The following LPP variants were observed in gnomAD, a reference collection of about 807,000 sequenced individuals.
The protein encoded by LPP is lipoma-preferred partner.
In LPP, 38 loss-of-function variants were observed where a neutral mutation model predicts 60.4. That is an observed-to-expected ratio of 0.63 (90% CI 0.49 to 0.83). The LOEUF is 0.83. Ranked by LOEUF, LPP falls within the 40% of genes least tolerant of loss-of-function variation. The probability of loss-of-function intolerance (pLI) is 0.00; values close to 1 mark genes in which losing one functional copy is unlikely to be tolerated. For synonymous variants in LPP, 328 were observed against 290.8 expected (o/e 1.13, Z -1.30); for missense variants, 902 against 783.6 (o/e 1.15, Z -1.80).
At chr3:188,387,375 A>T (rs958693736) in intron 3 of LPP, among the ~76,000 whole-genome samples, 3 of 152,118 alleles carry the variant, frequency 2.0e-5, no homozygotes, top group African/African-American at 7.2e-5. Flanking sequence ...AGCATTTTCC[A>T]TATCACTGCA....
chr3:188,777,103 AC>A (rs1055866507), intron 9 of LPP, among the ~76,000 whole-genome samples: 3 of 152,148 alleles, frequency 2.0e-5, no homozygotes, highest in African/African-American at 7.2e-5. Context: ...GCATAATAAT[AC>A]CTTATACTTA....
At chr3:188,496,053 T>C (rs2074607721) in intron 5 of LPP, among the ~76,000 whole-genome samples, 1 of 152,174 alleles carries the variant, frequency 6.6e-6, no homozygotes, top group Admixed American at 6.5e-5. Context: ...AAGCTATTAT[T>C]ATCATTATTT....
At chr3:188,269,111 G>A (rs546843140) in intron 2 of LPP, among the ~76,000 whole-genome samples, 6 of 152,256 alleles carry the variant, frequency 3.9e-5, no homozygotes, top group South Asian at 4.1e-4. Flanking sequence ...TAACAAAGCT[G>A]GTTTGTGGGT....
chr3:188,305,119 C>G (rs73061546), intron 2 of LPP, among the ~76,000 whole-genome samples: 1,876 of 152,014 alleles, frequency 0.012, 43 homozygotes, highest in African/African-American at 0.042. Context: ...TTTGACTCTC[C>G]CAGTGGGTGA....
At chr3:188,815,785 G>C (rs1341010802) in intron 9 of LPP, among the ~76,000 whole-genome samples, 1 of 152,180 alleles carries the variant, frequency 6.6e-6, no homozygotes, top group Non-Finnish European at 1.5e-5. Context: ...TAATGTCATA[G>C]AACACTGGCT....
chr3:188,163,787 CA>C (rs10663486), intron 1 of LPP, among the ~76,000 whole-genome samples: 53 of 137,514 alleles, frequency 3.9e-4, no homozygotes, highest in Non-Finnish European at 3.3e-4. Context: ...ACTAAATATA[CA>C]AAAAAAAAAA....
intron 2 of LPP, among the ~76,000 whole-genome samples, chr3:188,242,486 C>T (rs981197226): frequency 6.6e-6 from 1 of 152,082 alleles, no homozygotes. Context: ...GTCATAGCCA[C>T]CTGTGTGACT....
At chr3:188,712,820 T>C (rs1218745810) in intron 8 of LPP, 2 of 151,632 alleles carry the variant, frequency 1.3e-5, no homozygotes, top group Non-Finnish European at 2.9e-5. Context: ...GTGAACAAAA[T>C]GTAAATAAAT....
At position 188,886,667 on chromosome 3, in the gene LPP, T is replaced by C. The variant is rs977789550; in HGVS notation, c.*12188T>C. 2 of 218,514 alleles carry C rather than the reference T, an allele frequency of 9.2e-6. No homozygotes were observed. The highest frequency in any genetic ancestry group is 2.3e-5 in the African/African-American group (1 of 44,050). 13.5% of individuals were successfully genotyped at this position (218,514 alleles called of 1,614,324 possible). A position where few individuals can be genotyped will look rare whatever the true frequency, so the allele number is the denominator to read the frequency against. ...TAATAAAAATTTTCGTATTTCACTT[T>C]ACATAATATGTTCTCCCATATTTAG... On this transcript the variant is annotated 3_prime_UTR_variant, in exon 12 of 12. Transcript: ENST00000617246.
At chr3:188,384,127 T>C (rs1777579883) in intron 3 of LPP, among the ~76,000 whole-genome samples, 1 of 152,212 alleles carries the variant, frequency 6.6e-6, no homozygotes, top group South Asian at 2.1e-4. Flanking sequence ...TAGAAATATT[T>C]TGCTCCATGT....
At chr3:188,495,690 T>C (rs7633656) in intron 5 of LPP, among the ~76,000 whole-genome samples, 122,104 of 152,140 alleles carry the variant, frequency 0.8, 49,278 homozygotes, top group Middle Eastern at 0.93. Flanking sequence ...ACAAACCCCT[T>C]GTTGATTGTA....
chr3:188,286,648 CCCCAA>C (rs1440567754), intron 2 of LPP, among the ~76,000 whole-genome samples: 5 of 152,124 alleles, frequency 3.3e-5, no homozygotes, highest in African/African-American at 1.2e-4. Context: ...TGTGTTCCCT[CCCCAA>C]ATAAATGTAT....
chr3:188,740,508 T>G (rs1036567300), intron 8 of LPP, among the ~76,000 whole-genome samples: 2 of 152,058 alleles, frequency 1.3e-5, no homozygotes, highest in Non-Finnish European at 2.9e-5. Context: ...TTAGAAAAAT[T>G]ACATTAACTT....
In LPP at chr3:188,522,419, T is replaced by A. The variant is rs181279940; in HGVS notation, c.307-2246T>A. Among the ~76,000 whole-genome samples the A allele has an allele frequency of 2.3e-3, 348 of 152,328 alleles. 3 individuals carry two copies. The highest frequency in any genetic ancestry group is 7.9e-3 in the African/African-American group (329 of 41,566). ...CAAATTCTAGAGTATCCACTGCTTA[T>A]TGTTGTACTTCTAACTGTGTTTACC... On this transcript the variant is annotated intron_variant, in intron 5 of 11. Coordinates refer to ENST00000617246, the MANE Select transcript of LPP (RefSeq NM_001375462.1).
At chr3:188,601,694 G>C (rs948497625) in intron 6 of LPP, among the ~76,000 whole-genome samples, 1 of 152,054 alleles carries the variant, frequency 6.6e-6, no homozygotes, top group Non-Finnish European at 1.5e-5. Context: ...ACAATAACTT[G>C]CATTTAAAAA....
intron 1 of LPP, among the ~76,000 whole-genome samples, chr3:188,166,082 A>C (rs1318524231): frequency 6.6e-6 from 1 of 152,108 alleles, no homozygotes; most frequent in Non-Finnish European, 1.5e-5. Flanking sequence ...GCAGTGACTG[A>C]CTGAACTGTT....
chr3:188,380,822 T>C (rs1776683492), intron 3 of LPP, among the ~76,000 whole-genome samples: 1 of 152,200 alleles, frequency 6.6e-6, no homozygotes, highest in Non-Finnish European at 1.5e-5. Context: ...ATATTGAACT[T>C]TTATTGAGTA....
Position 188,878,078 on chromosome 3 carries a change from G to T in LPP, c.*3599G>T, listed in dbSNP as rs1199479927. The stretch of plus-strand genomic sequence containing the variant: ...AAGAAAGAGAGGGCTTTTTCCATGG[G>T]GCTATAGTAGAGAGTTAGTGGAATA... On this transcript the variant is annotated 3_prime_UTR_variant, in exon 12 of 12. Coordinates refer to ENST00000617246, the MANE Select transcript of LPP (RefSeq NM_001375462.1). The T allele has an allele frequency of 4.5e-6, 1 of 220,368 alleles. No individual in the cohort carries two copies. 13.7% of individuals were successfully genotyped at this position (220,368 alleles called of 1,614,324 possible).
chr3:188,394,578 G>GTGTGTGTA (rs1560345748), intron 3 of LPP, among the ~76,000 whole-genome samples: 1 of 151,712 alleles, frequency 6.6e-6, no homozygotes, highest in African/African-American at 2.4e-5. Flanking sequence ...GTGTGTGTGT[G>GTGTGTGTA]TGTGTATGTA....
Sources: gnomAD v4.1 joint callset for allele counts (sites outside exome capture counted in the v4.1 genomes callset) on GRCh38, gnomAD v4.1.1 for gene constraint, MANE v1.5 for transcripts, NCBI Gene and HGNC (gene_info 2026-07-23, HGNC 2026-07-21) for gene names.